The following GREP1 variants were observed in gnomAD, a reference collection of about 807,000 sequenced individuals.
GREP1 encodes the protein glycine rich extracellular protein 1, also known as glycine-rich extracellular protein 1.
rs557224113 is a variant in GREP1 at position 2,988,747 on chromosome 16, G to C, written c.100+125G>C. 1.5e-4 allele frequency: 59 copies of C among 398,290 alleles called. 1 individual carries two copies. In the East Asian group the frequency reaches 2.0e-3, roughly 13 times the overall value. The allele number at this position is 398,290 out of a possible 1,614,324, so 24.7% of individuals were successfully genotyped here. A position where few individuals can be genotyped will look rare whatever the true frequency, so the allele number is the denominator to read the frequency against. ...GAGCTCAGGGCCCTTGCTGTCTTCCGGGCAGGGAGTCTCATCAAGTGTCCA... is the reference window on the plus strand; with the variant it reads ...GAGCTCAGGGCCCTTGCTGTCTTCCCGGCAGGGAGTCTCATCAAGTGTCCA... On this transcript the variant is annotated intron_variant, in intron 2 of 34. Coordinates refer to ENST00000573315, the Ensembl canonical transcript of GREP1.
chr16:2,988,585 C>T lies in GREP1; in HGVS notation c.68-5C>T, dbSNP rs763390883. ...CCTTGAGTCAGCACTGTCTTGCTTCCGCAGGGCTGCCCCTTCTGCCTCCTG... is the reference window on the plus strand; with the variant it reads ...CCTTGAGTCAGCACTGTCTTGCTTCTGCAGGGCTGCCCCTTCTGCCTCCTG... On this transcript the variant is annotated splice_polypyrimidine_tract_variant and splice_region_variant and intron_variant, in intron 1 of 34. Coordinates refer to ENST00000573315, the Ensembl canonical transcript of GREP1. The T allele has an allele frequency of 2.2e-4, 86 of 399,196 alleles. No individual in the cohort carries two copies. The highest frequency in any genetic ancestry group is 9.3e-4 in the East Asian group (26 of 28,078). 24.7% of individuals were successfully genotyped at this position (399,196 alleles called of 1,614,324 possible). A position where few individuals can be genotyped will look rare whatever the true frequency, so the allele number is the denominator to read the frequency against.
chr16:3,000,623 G>A, intron 32 of GREP1, 91 bp from the exon 27 acceptor site: 2 of 398,938 alleles, frequency 5.0e-6, no homozygotes, highest in Non-Finnish European at 8.8e-6. Flanking sequence ...GGTAAGAAAT[G>A]AGCCTTCTGG....
exon 1 of GREP1, chr16:2,988,282 C>T (rs1014373555): frequency 1.5e-5 from 6 of 399,106 alleles, no homozygotes; most frequent in South Asian, 1.3e-4. Flanking sequence ...GAGTCATGGG[C>T]GCCTGGGCCT....
At chr16:2,993,909 G>A (rs569889295) in intron 10 of GREP1, 4 of 152,152 alleles carry the variant, frequency 2.6e-5, no homozygotes, top group Non-Finnish European at 4.4e-5. Flanking sequence ...GCAGTGAGCC[G>A]ATCGTGCCAC....
In GREP1 at chr16:2,997,103, T is replaced by G; in HGVS notation, c.886+18T>G. On this transcript the variant is annotated intron_variant, in intron 21 of 34. Transcript: ENST00000573315. ...GAAGCCAGGTGAGCCCTGCCCCGCC[T>G]GTCCCTCTGCCTCCCCCAAACCCTG... 1 of 399,162 alleles carries G rather than the reference T, an allele frequency of 2.5e-6. No individual in the cohort carries two copies. The highest frequency in any genetic ancestry group is 4.4e-6 in the Non-Finnish European group (1 of 226,132). 24.7% of individuals were successfully genotyped at this position (399,162 alleles called of 1,614,324 possible).
chr16:2,994,881 G>A, intron 12 of GREP1, 43 bp downstream of exon 13: 1 of 399,112 alleles, frequency 2.5e-6, no homozygotes, highest in Non-Finnish European at 4.4e-6. Context: ...CCCAAAACCT[G>A]AGCTCCCTCC....
chr16:2,990,373 G>A, intron 5 of GREP1, 179 bp from the exon 6 acceptor site: 1 of 398,924 alleles, frequency 2.5e-6, no homozygotes, highest in South Asian at 1.3e-4. Flanking sequence ...ATGGGAGTGG[G>A]GGAGCTGGAA....
chr16:2,993,033 T>G (rs1274138486), intron 10 of GREP1, 70 bp downstream of exon 11: 1 of 398,240 alleles, frequency 2.5e-6, no homozygotes, highest in Admixed American at 4.4e-5. Flanking sequence ...CTAGAGTCCC[T>G]GATCTCCCCA....
rs952988978 is a variant in GREP1 at position 2,992,922 on chromosome 16, T to C, written c.353-9T>C. On this transcript the variant is annotated splice_polypyrimidine_tract_variant and intron_variant, in intron 9 of 34. Coordinates refer to ENST00000573315, the Ensembl canonical transcript of GREP1. The surrounding 1 kb of genome is among the most constrained non-coding windows in gnomAD (Gnocchi z 4.9). ...GAAAGGATCCCTCACCCTCTCATCTTCCCCCCAGGCTTTGGAGGGGGTGGA... is the reference window on the plus strand; with the variant it reads ...GAAAGGATCCCTCACCCTCTCATCTCCCCCCCAGGCTTTGGAGGGGGTGGA... The C allele has an allele frequency of 5.0e-6, 2 of 398,640 alleles. No individual in the cohort carries two copies. The highest frequency in any genetic ancestry group is 8.8e-6 in the Non-Finnish European group (2 of 226,018). The allele number at this position is 398,640 out of a possible 1,614,324, so 24.7% of individuals were successfully genotyped here. A position where few individuals can be genotyped will look rare whatever the true frequency, so the allele number is the denominator to read the frequency against.
rs1050626019 is a variant in GREP1 at position 2,989,215 on chromosome 16, T to G, written c.101-308T>G. On this transcript the variant is annotated intron_variant, in intron 2 of 34. Transcript: ENST00000573315. The surrounding 1 kb of genome is among the most constrained non-coding windows in gnomAD (Gnocchi z 4.2). ...CCCCACAGTCCCCCAGAGCCCTGGC[T>G]CAGACACCTTCCTCCAGGCCCAGGG... is the stretch of plus-strand genomic sequence containing the variant. The G allele has an allele frequency of 2.8e-6, 1 of 356,728 alleles. No homozygotes were observed. 22.1% of individuals were successfully genotyped at this position (356,728 alleles called of 1,614,324 possible).
At position 2,992,844 on chromosome 16, in the gene GREP1, G is replaced by A; in HGVS notation, c.352+10G>A. 1 of 399,176 alleles carries A rather than the reference G, an allele frequency of 2.5e-6. No individual in the cohort carries two copies. The highest frequency in any genetic ancestry group is 4.4e-6 in the Non-Finnish European group (1 of 226,128). The allele number at this position is 399,176 out of a possible 1,614,324, so 24.7% of individuals were successfully genotyped here. ...AATGGCTTTGGACCAGGTAAAGAGG[G>A]TGGGGACGGAAGCGGGGAGCCTGGG... On this transcript the variant is annotated intron_variant, in intron 9 of 34. Coordinates refer to ENST00000573315, the Ensembl canonical transcript of GREP1. This position sits in a 1 kb window ranked among gnomAD's most constrained non-coding sequence, Gnocchi z 4.9.
intron 21 of GREP1, 83 bp downstream of exon 20, chr16:2,997,168 G>A: frequency 2.5e-6 from 1 of 398,932 alleles, no homozygotes; most frequent in Non-Finnish European, 4.4e-6. Flanking sequence ...AGCTCCATCG[G>A]CATTCAGGAG....
intron 24 of GREP1, 33 bp downstream of exon 22, chr16:2,998,421 C>T (rs1480926061): frequency 8.8e-5 from 35 of 399,202 alleles, no homozygotes; most frequent in Non-Finnish European, 1.5e-4. Flanking sequence ...TGCCCCACAC[C>T]TCCTTCTGCC....
Position 2,997,853 on chromosome 16 carries a change from C to G in GREP1, c.949+18C>G. On this transcript the variant is annotated intron_variant, in intron 23 of 34. Transcript: ENST00000573315. ...GAAGCCAGGTAAGCCCTTCCCACTC[C>G]TCACTCTCCCTACCTGCAGAAACTG... is the stretch of plus-strand genomic sequence containing the variant. 2.5e-6 allele frequency: 1 copy of G among 398,682 alleles called. No individual in the cohort carries two copies. The highest frequency in any genetic ancestry group is 4.4e-6 in the Non-Finnish European group (1 of 226,152). 24.7% of individuals were successfully genotyped at this position (398,682 alleles called of 1,614,324 possible).
intron 10 of GREP1, chr16:2,993,427 G>C (rs1055978328): frequency 1.3e-5 from 2 of 152,250 alleles, no homozygotes; most frequent in African/African-American, 4.8e-5. Context: ...TGGATCAATT[G>C]AGCCCAGGAG....
chr16:2,988,730 G>C (rs1275432510), intron 2 of GREP1, 108 bp downstream of exon 2: 1 of 398,586 alleles, frequency 2.5e-6, no homozygotes, highest in Non-Finnish European at 4.4e-6. Flanking sequence ...GAGAGCTCAG[G>C]GCCCTTGCTG....
At chr16:2,996,748 C>A in intron 20 of GREP1, 43 bp downstream of exon 19, 1 of 398,824 alleles carries the variant, frequency 2.5e-6, no homozygotes, top group Non-Finnish European at 4.4e-6. Flanking sequence ...TCCCCTAGAT[C>A]CTGGTGTTCT....
chr16:2,988,269 C>A, exon 1 of GREP1: 1 of 399,184 alleles, frequency 2.5e-6, no homozygotes, highest in Non-Finnish European at 4.4e-6. Flanking sequence ...CCCACTCTGC[C>A]TAGAGTCATG....
Position 2,991,366 on chromosome 16 carries a change from A to C in GREP1, c.322+265A>C. The C allele has an allele frequency of 5.4e-5, 18 of 332,792 alleles. No individual in the cohort carries two copies. The highest frequency in any genetic ancestry group is 7.0e-5 in the Non-Finnish European group (13 of 185,190). The allele number at this position is 332,792 out of a possible 1,614,324, so 20.6% of individuals were successfully genotyped here. On this transcript the variant is annotated intron_variant, in intron 8 of 34. Coordinates refer to ENST00000573315, the Ensembl canonical transcript of GREP1. This position sits in a 1 kb window ranked among gnomAD's most constrained non-coding sequence, Gnocchi z 4.9. ...ACCCCACCGCTCATGGCCCTCACCA[A>C]TGTCTCCCCAGGATTGGGGAGCAGA...
Sources: gnomAD v4.1 joint callset for allele counts on GRCh38, gnomAD v4.1.1 for gene constraint, Gnocchi (gnomAD v3.1) non-coding constraint, MANE v1.5 for transcripts, NCBI Gene and HGNC (gene_info 2026-07-23, HGNC 2026-07-21) for gene names.